The following CDH4 variants were observed in gnomAD, a reference collection of about 807,000 sequenced individuals.
CDH4 encodes cadherin-4.
In CDH4, 33 loss-of-function variants were observed where a neutral mutation model predicts 86.0. The ratio of observed to expected loss-of-function variants is 0.38; its 90% confidence interval spans 0.29 to 0.51. The LOEUF is 0.51. CDH4 is among the 20% of genes least tolerant of loss of function. The pLI, the probability that CDH4 is intolerant of heterozygous loss-of-function variation, is 0.86. For synonymous variants in CDH4, 555 were observed against 549.4 expected (o/e 1.01, Z -0.14); for missense variants, 1,114 against 1,307.4 (o/e 0.85, Z 2.28).
intron 2 of CDH4, among the ~76,000 whole-genome samples, chr20:61,604,253 G>T (rs2086625309): frequency 6.6e-6 from 1 of 152,262 alleles, no homozygotes; most frequent in Admixed American, 6.5e-5. Flanking sequence ...AGGCCCAAAA[G>T]CTTCAGTCGA....
At chr20:61,723,392 T>C (rs62197831) in intron 2 of CDH4, among the ~76,000 whole-genome samples, 50,194 of 151,934 alleles carry the variant, frequency 0.33, 9,382 homozygotes, top group South Asian at 0.44. Context: ...GCAGTGCAGC[T>C]GCCGTTTAAA....
intron 2 of CDH4, among the ~76,000 whole-genome samples, chr20:61,692,293 C>A (rs6061745): frequency 1.3e-5 from 2 of 149,302 alleles, no homozygotes; most frequent in Admixed American, 1.3e-4. Flanking sequence ...GTGTGTGTGT[C>A]TGTGTGTGTG....
At chr20:61,928,464 G>C (rs957525787) in intron 12 of CDH4, 41 bp downstream of exon 12, 11 of 1,570,948 alleles carry the variant, frequency 7.0e-6, no homozygotes, top group Non-Finnish European at 9.6e-6. Flanking sequence ...AGACTAGCCT[G>C]GGGTGCAGGC....
At chr20:61,625,216 C>T (rs914924601) in intron 2 of CDH4, among the ~76,000 whole-genome samples, 1 of 152,184 alleles carries the variant, frequency 6.6e-6, no homozygotes, top group African/African-American at 2.4e-5. Context: ...TCCAGAGGCA[C>T]CCGGACCCAG....
At chr20:61,546,149 C>T (rs1454633637) in intron 2 of CDH4, among the ~76,000 whole-genome samples, 2 of 91,778 alleles carry the variant, frequency 2.2e-5, no homozygotes, top group African/African-American at 8.8e-5. Flanking sequence ...TATTTGTTCA[C>T]ATTCGTGAGG....
intron 5 of CDH4, among the ~76,000 whole-genome samples, chr20:61,847,586 C>A (rs566108109): frequency 6.6e-6 from 1 of 152,250 alleles, no homozygotes; most frequent in South Asian, 2.1e-4. Context: ...TGTGCAAACA[C>A]GCTGTGTTAG....
At chr20:61,749,571 A>G (rs188158975) in intron 3 of CDH4, among the ~76,000 whole-genome samples, 2 of 152,326 alleles carry the variant, frequency 1.3e-5, no homozygotes, top group African/African-American at 4.8e-5. Context: ...ATCAATAACA[A>G]AGAATGTAAC....
chr20:61,543,666 GGGCTGGTGTGACCAGGTGACCCCCAGGA>G (rs1408095098), intron 2 of CDH4, among the ~76,000 whole-genome samples: 1 of 152,182 alleles, frequency 6.6e-6, no homozygotes, highest in Non-Finnish European at 1.5e-5. Context: ...TTCAGTCAGG[GGGCTGGTGTGACCAGGTGACCCCCAGGA>G]GGCTGCATAA....
intron 2 of CDH4, among the ~76,000 whole-genome samples, chr20:61,282,916 A>G (rs1345277568): frequency 3.4e-5 from 5 of 148,962 alleles, no homozygotes; most frequent in Non-Finnish European, 5.9e-5. Context: ...GGCGTGTGTG[A>G]TGTACGTGCA....
rs2085697005 is a variant in CDH4, at chr20:61,501,010, A to C, written c.170-242553A>C. Among the ~76,000 whole-genome samples, 1 of 152,228 alleles carries C rather than the reference A, an allele frequency of 6.6e-6. No individual in the cohort carries two copies. Among genetic ancestry groups the C allele is most frequent in the Non-Finnish European group, 1.5e-5 (1 of 68,046 alleles). On this transcript the variant is annotated intron_variant, in intron 2 of 15. Transcript: ENST00000614565. This position sits in a 1 kb window ranked among gnomAD's most constrained non-coding sequence, Gnocchi z 4.2. ...GACATCGTGTCATTCCTGTGTCCACAGCAGGCAGGCCCTTGGGAATGGCTC... is the reference window on the plus strand; with the variant it reads ...GACATCGTGTCATTCCTGTGTCCACCGCAGGCAGGCCCTTGGGAATGGCTC...
chr20:61,305,596 C>T (rs1177210498), intron 2 of CDH4, among the ~76,000 whole-genome samples: 2 of 152,230 alleles, frequency 1.3e-5, no homozygotes, highest in African/African-American at 2.4e-5. Flanking sequence ...CTCTTGACCT[C>T]GGTTCACGAA....
chr20:61,727,616 C>T (rs978284155), intron 2 of CDH4, among the ~76,000 whole-genome samples: 4 of 152,148 alleles, frequency 2.6e-5, no homozygotes, highest in Non-Finnish European at 5.9e-5. Context: ...CTGCTTCTGG[C>T]GAGGGCCTCA....
rs149739649 is a variant in CDH4 at position 61,573,561 on chromosome 20, G to T, written c.170-170002G>T. The stretch of plus-strand genomic sequence containing the variant: ...TGGCATGTTTGGTGGAGGGGGTCGT[G>T]TCCCACAGTCCTGACCAGCGTGGGC... On this transcript the variant is annotated intron_variant, in intron 2 of 15. Coordinates refer to ENST00000614565, the MANE Select transcript of CDH4 (RefSeq NM_001794.5). Among the ~76,000 whole-genome samples the T allele has an allele frequency of 2.8e-3, 430 of 152,280 alleles. 2 individuals are homozygous for T. The highest frequency in any genetic ancestry group is 4.7e-3 in the Non-Finnish European group (322 of 67,998).
chr20:61,883,168 A>G (rs185309183), intron 7 of CDH4, among the ~76,000 whole-genome samples: 1 of 148,716 alleles, frequency 6.7e-6, no homozygotes, highest in Non-Finnish European at 1.5e-5. Context: ...ATTCCTCCCG[A>G]GACCTCCACA....
At chr20:61,425,991 C>T (rs927425767) in intron 2 of CDH4, among the ~76,000 whole-genome samples, 3 of 152,248 alleles carry the variant, frequency 2.0e-5, no homozygotes, top group Non-Finnish European at 4.4e-5. Context: ...TTTCTTAAGT[C>T]AGGGCAGTTC....
At chr20:61,921,112 C>T (rs561024175) in intron 9 of CDH4, among the ~76,000 whole-genome samples, 62 of 144,018 alleles carry the variant, frequency 4.3e-4, no homozygotes, top group Admixed American at 1.5e-3. Context: ...TGCATGGAAG[C>T]GTGGTGTCAC....
intron 2 of CDH4, among the ~76,000 whole-genome samples, chr20:61,371,151 C>T (rs112529876): frequency 1.3e-3 from 194 of 152,302 alleles, no homozygotes; most frequent in African/African-American, 4.5e-3. Flanking sequence ...GCCGGGAGCT[C>T]GGAGCCCTGC....
rs1195428186 is a variant in CDH4 at position 61,565,086 on chromosome 20, G to GTGGTGGTGGTGGTGGTGGTGC, written c.170-178475_170-178474insGTGGTGGTGGTGGTGGTGCTG. ...CTTGGTGGTGGTGGTGGTGGTGGTG[G>GTGGTGGTGGTGGTGGTGGTGC]TGCTCTTGGTGGTGCTCTTGGTGGT... On this transcript the variant is annotated intron_variant, in intron 2 of 15. Coordinates refer to ENST00000614565, the MANE Select transcript of CDH4 (RefSeq NM_001794.5). 5.5e-5 allele frequency among the ~76,000 whole-genome samples: 6 copies of GTGGTGGTGGTGGTGGTGGTGC among 108,664 alleles called. 1 individual carries two copies. In the East Asian group the frequency reaches 1.0e-3, roughly 18 times the overall value. 71.3% of individuals were successfully genotyped at this position (108,664 alleles called of 152,430 possible). A position where few individuals can be genotyped will look rare whatever the true frequency, so the allele number is the denominator to read the frequency against.
chr20:61,497,758 G>A (rs1204481175), intron 2 of CDH4, among the ~76,000 whole-genome samples: 11 of 152,094 alleles, frequency 7.2e-5, no homozygotes, highest in South Asian at 2.1e-4. Flanking sequence ...ACATGCACAC[G>A]TAGGTTTATT....
Sources: gnomAD v4.1 joint callset for allele counts (sites outside exome capture counted in the v4.1 genomes callset) on GRCh38, gnomAD v4.1.1 for gene constraint, Gnocchi (gnomAD v3.1) non-coding constraint, MANE v1.5 for transcripts, NCBI Gene and HGNC (gene_info 2026-07-23, HGNC 2026-07-21) for gene names.